GBF1: variants seen among roughly 807,000 people sequenced by gnomAD.
GBF1 encodes the protein Golgi-specific brefeldin A-resistance guanine nucleotide exchange factor 1.
Under a neutral mutation model 210.5 loss-of-function variants are expected in GBF1, and 114 were observed. The ratio of observed to expected loss-of-function variants is 0.54; its 90% CI spans 0.47 to 0.63. GBF1 has a LOEUF of 0.63. GBF1 is among the 30% of genes least tolerant of loss of function. GBF1 has a pLI of 0.00. For synonymous variants in GBF1, 850 were observed against 889.2 expected, an observed-to-expected ratio of 0.96 and a Z score of 0.78; for missense variants, 1,851 against 2,357.7, an observed-to-expected ratio of 0.79 and a Z score of 4.45.
the GBF1 span, chr10:102,231,719 G>T: frequency 5.6e-6 from 9 of 1,609,706 alleles, no homozygotes; most frequent in Non-Finnish European, 5.9e-6. Flanking sequence ...GTGCGCTGCC[G>T]CCGCTGCTTC....
At chr10:102,309,876 A>T (rs2078257521) in intron 3 of GBF1, among the ~76,000 whole-genome samples, 1 of 152,122 alleles carries the variant, frequency 6.6e-6, no homozygotes, top group Non-Finnish European at 1.5e-5. Flanking sequence ...TAGTCCTAGA[A>T]ATTAGTTTCA....
intron 1 of GBF1, among the ~76,000 whole-genome samples, chr10:102,247,549 C>T (rs1271686276): frequency 6.6e-6 from 1 of 152,188 alleles, no homozygotes; most frequent in Admixed American, 6.5e-5. Flanking sequence ...GCAATCTAGT[C>T]TCTGGGTAGG....
intron 3 of GBF1, among the ~76,000 whole-genome samples, chr10:102,319,244 C>T (rs371620547): frequency 6.6e-5 from 10 of 152,076 alleles, no homozygotes; most frequent in African/African-American, 2.2e-4. Flanking sequence ...GGCATGAACC[C>T]GGGAGGCGGA....
In GBF1 at chr10:102,360,480, A is replaced by G; in HGVS notation, c.1392+85A>G. ...AGGTCTGGCTGATTACGCAAAGAGT[A>G]TAGGACCTAGGAAAGCATCTCCCTC... On this transcript the variant is annotated intron_variant, in intron 12 of 39. Coordinates refer to ENST00000369983, the MANE Select transcript of GBF1 (RefSeq NM_001377137.1). The G allele has an allele frequency of 3.4e-6, 3 of 894,594 alleles. No homozygotes were observed. The South Asian group carries it at 4.1e-5, about 12-fold the overall frequency. 55.4% of individuals were successfully genotyped at this position (894,594 alleles called of 1,614,324 possible).
chr10:102,288,861 A>C (rs774440563), intron 3 of GBF1, among the ~76,000 whole-genome samples: 4 of 151,090 alleles, frequency 2.6e-5, no homozygotes, highest in Admixed American at 2.6e-4. Context: ...AGCATTTTGG[A>C]ACGCTGAGGC....
At chr10:102,249,170 A>T (rs1420730430) in intron 1 of GBF1, among the ~76,000 whole-genome samples, 2 of 152,194 alleles carry the variant, frequency 1.3e-5, no homozygotes, top group African/African-American at 4.8e-5. Flanking sequence ...GACCCTCAAT[A>T]AACAAAATGG....
intron 33 of GBF1, among the ~76,000 whole-genome samples, chr10:102,377,428 A>G (rs1227620048): frequency 6.6e-6 from 1 of 151,848 alleles, no homozygotes; most frequent in African/African-American, 2.4e-5. Context: ...ATCTCGGCTC[A>G]CTGCAACCTC....
At chr10:102,234,748 G>A in the GBF1 span, among the ~76,000 whole-genome samples, 1 of 152,148 alleles carries the variant, frequency 6.6e-6, no homozygotes, top group Non-Finnish European at 1.5e-5. Flanking sequence ...CCAGAGAGGG[G>A]TTTACCTGTG....
intron 1 of GBF1, among the ~76,000 whole-genome samples, chr10:102,249,437 A>G (rs142310156): frequency 1.3e-5 from 2 of 152,206 alleles, no homozygotes; most frequent in Non-Finnish European, 1.5e-5. Context: ...AGGAGATGGC[A>G]TGCTAGAGCT....
rs1181423247 is a variant in GBF1 at position 102,380,606 on chromosome 10, T to C, written c.5093T>C (p.Leu1698Pro). ...GCACGGGGAGGCGGCCCCTCGGCCCTCTGGGAGATCACCTGGGAACGCATT... is the reference window on the plus strand; with the variant it reads ...GCACGGGGAGGCGGCCCCTCGGCCCCCTGGGAGATCACCTGGGAACGCATT... The part of the protein sequence containing the change: ...ADARGGGPSA[L>P]WEITWERIDC... The change falls in exon 38 of 40, where the codon CTC (leucine) becomes CCC (proline). Residue 1698 changes from leucine to proline, a missense_variant. Leu to Pro is a moderately conservative substitution (Grantham distance 98). This residue lies in a region of GBF1 where 967 missense variants were observed against 1,247.7 expected (regional missense o/e 0.78). Coordinates refer to ENST00000369983, the MANE Select transcript of GBF1 (RefSeq NM_001377137.1). 1 of 1,613,958 alleles carries C rather than the reference T, an allele frequency of 6.2e-7. No homozygotes were observed. The highest frequency in any genetic ancestry group is 8.5e-7 in the Non-Finnish European group (1 of 1,179,972).
intron 3 of GBF1, among the ~76,000 whole-genome samples, chr10:102,310,784 C>T (rs2078347171): frequency 6.6e-6 from 1 of 152,224 alleles, no homozygotes; most frequent in South Asian, 2.1e-4. Flanking sequence ...ATATACATCC[C>T]TGACAGTTGG....
Position 102,296,218 on chromosome 10 carries a change from C to A in GBF1, c.163+36102C>A, listed in dbSNP as rs534314115. Among the ~76,000 whole-genome samples the A allele has an allele frequency of 6.8e-4, 103 of 152,228 alleles. 3 individuals are homozygous for A. The highest frequency in any genetic ancestry group is 3.5e-3 in the South Asian group (17 of 4,822). ...AAGCTAGAACTCAGGTCTCCTGATT[C>A]CCCATTCATTGCTGCTGCTTATGAA... On this transcript the variant is annotated intron_variant, in intron 3 of 39. Coordinates refer to ENST00000369983, the MANE Select transcript of GBF1 (RefSeq NM_001377137.1).
At chr10:102,301,628 G>A (rs1263701294) in intron 3 of GBF1, among the ~76,000 whole-genome samples, 1 of 151,964 alleles carries the variant, frequency 6.6e-6, no homozygotes, top group Non-Finnish European at 1.5e-5. Context: ...TCCCAGACGG[G>A]GTCGCGGCCG....
At chr10:102,348,910 G>C (rs1208928076) in intron 4 of GBF1, among the ~76,000 whole-genome samples, 1 of 152,110 alleles carries the variant, frequency 6.6e-6, no homozygotes, top group East Asian at 1.9e-4. Context: ...AGCACTTTGG[G>C]GGTCCAGGCA....
At chr10:102,253,623 C>T (rs1283805106) in intron 1 of GBF1, among the ~76,000 whole-genome samples, 1 of 152,128 alleles carries the variant, frequency 6.6e-6, no homozygotes, top group African/African-American at 2.4e-5. Context: ...AAGTGATCCT[C>T]CCACTTCAGC....
intron 9 of GBF1, 107 bp downstream of exon 9, chr10:102,358,293 G>T: frequency 9.4e-7 from 1 of 1,061,386 alleles, no homozygotes. Context: ...TGGTCTTGGC[G>T]CTGAGAACAA....
chr10:102,318,601 A>T (rs2056069189), intron 3 of GBF1, among the ~76,000 whole-genome samples: 1 of 152,048 alleles, frequency 6.6e-6, no homozygotes, highest in African/African-American at 2.4e-5. Flanking sequence ...AATTCCTTCT[A>T]TTATTTTTAT....
rs760219072 is a variant in GBF1 at position 102,358,643 on chromosome 10, C to A, written c.925C>A (p.Leu309Ile). The A allele has an allele frequency of 6.2e-7, 1 of 1,614,050 alleles. No individual in the cohort carries two copies. The highest frequency in any genetic ancestry group is 8.5e-7 in the Non-Finnish European group (1 of 1,179,892). ...CACTTCCAAGGAAGACCTTACTGAT[C>A]TAGAGCAACCTGGCTCTCCAGGGTA... Reference protein sequence around the residue: ...QTTSKEDLTDLEQPGSPGYST... With the variant: ...QTTSKEDLTDIEQPGSPGYST... Residue 309 changes from leucine to isoleucine, a missense_variant, in exon 10 of 40, where the codon CTA becomes ATA. Coordinates refer to ENST00000369983, the MANE Select transcript of GBF1 (RefSeq NM_001377137.1).
chr10:102,358,802 A>G (rs1027931688), intron 10 of GBF1, 73 bp downstream of exon 10: 6 of 962,966 alleles, frequency 6.2e-6, no homozygotes, highest in African/African-American at 1.6e-5. Context: ...TGGATCCTTT[A>G]TGCAGGACTT....
Sources: allele counts gnomAD v4.1 joint callset (sites outside exome capture counted in the v4.1 genomes callset), GRCh38; gene constraint gnomAD v4.1.1; regional missense constraint gnomAD v4.1.1; transcripts MANE v1.5; gene names NCBI Gene and HGNC (gene_info 2026-07-23, HGNC 2026-07-21).